Variants in SHLD1 observed in about 807,000 individuals in gnomAD.
The protein encoded by SHLD1 is shieldin complex subunit 1, also known as RINN1-REV7-interacting novel NHEJ regulator 3.
Under a neutral mutation model 5.5 loss-of-function variants are expected in SHLD1, and 3 were observed. The observed-to-expected ratio is 0.54, with a 90% CI of 0.25 to 1.40. SHLD1 has a LOEUF of 1.40. Ranked by LOEUF, SHLD1 falls within the 40% of genes most tolerant of loss-of-function variation. SHLD1 has a pLI of 0.15. For missense variants in SHLD1, 210 were observed against 244.4 expected, an observed-to-expected ratio of 0.86 and a Z score of 0.94; for synonymous variants, 92 against 94.3, an observed-to-expected ratio of 0.98 and a Z score of 0.14.
chr20:5,819,143 T>G (rs1231115488), intron 2 of SHLD1, among the ~76,000 whole-genome samples: 2 of 152,122 alleles, frequency 1.3e-5, no homozygotes, highest in Non-Finnish European at 2.9e-5. Flanking sequence ...ATTACAAGTG[T>G]GAGCCACCGT....
chr20:5,852,625 T>C (rs138971261), intron 2 of SHLD1, among the ~76,000 whole-genome samples: 1 of 152,152 alleles, frequency 6.6e-6, no homozygotes, highest in African/African-American at 2.4e-5. Flanking sequence ...AACTTTTGTA[T>C]TTTTAGTAGA....
intron 2 of SHLD1, among the ~76,000 whole-genome samples, chr20:5,862,677 A>G (rs2122518235): frequency 6.6e-6 from 1 of 152,360 alleles, no homozygotes; most frequent in East Asian, 1.9e-4. Flanking sequence ...TGCTGCCTAC[A>G]TTCATCATGG....
chr20:5,785,571 G>A (rs866423288), intron 2 of SHLD1, among the ~76,000 whole-genome samples: 6 of 152,084 alleles, frequency 3.9e-5, no homozygotes, highest in Admixed American at 1.3e-4. Context: ...CAAAGTGGGC[G>A]GATCACCTGA....
At chr20:5,839,188 T>C (rs1329078601) in intron 2 of SHLD1, among the ~76,000 whole-genome samples, 1 of 152,250 alleles carries the variant, frequency 6.6e-6, no homozygotes, top group African/African-American at 2.4e-5. Context: ...ACTGGCAGAT[T>C]TGCATTTTAC....
intron 1 of SHLD1, among the ~76,000 whole-genome samples, chr20:5,759,802 A>C (rs1298560932): frequency 6.6e-6 from 1 of 152,066 alleles, no homozygotes; most frequent in Non-Finnish European, 1.5e-5. Flanking sequence ...TGGCTTCCCA[A>C]ATTGCTAGGA....
At chr20:5,790,681 T>A (rs1488841327) in intron 2 of SHLD1, among the ~76,000 whole-genome samples, 1 of 152,042 alleles carries the variant, frequency 6.6e-6, no homozygotes, top group Non-Finnish European at 1.5e-5. Context: ...CTTGAACTCC[T>A]GACCTCAGGT....
intron 2 of SHLD1, among the ~76,000 whole-genome samples, chr20:5,791,563 CAAAAAAAAAAA>C (rs34606715): frequency 1.6e-5 from 1 of 61,018 alleles, no homozygotes; most frequent in Admixed American, 2.1e-4. Flanking sequence ...GACCCTGTCT[CAAAAAAAAAAA>C]AAAAAAAAAA....
At chr20:5,812,083 T>C (rs1156620907) in intron 2 of SHLD1, among the ~76,000 whole-genome samples, 2 of 151,022 alleles carry the variant, frequency 1.3e-5, no homozygotes, top group Non-Finnish European at 3.0e-5. Context: ...TTTTTTTCTT[T>C]TTTTTTCTTT....
intron 1 of SHLD1, chr20:5,756,611 T>C (rs1403173500): frequency 6.0e-6 from 1 of 165,940 alleles, no homozygotes; most frequent in Non-Finnish European, 1.3e-5. Flanking sequence ...TTGTATCATG[T>C]GACCTTGTTT....
intron 2 of SHLD1, among the ~76,000 whole-genome samples, chr20:5,819,189 T>A (rs980214637): frequency 3.9e-5 from 6 of 151,982 alleles, no homozygotes; most frequent in African/African-American, 1.4e-4. Flanking sequence ...TCAGTCCCAC[T>A]CCTCGGTCTG....
At chr20:5,775,534 G>C (rs115904219) in intron 2 of SHLD1, among the ~76,000 whole-genome samples, 1 of 152,202 alleles carries the variant, frequency 6.6e-6, no homozygotes, top group African/African-American at 2.4e-5. Flanking sequence ...AAATATTTAT[G>C]TAGGGGTATT....
At chr20:5,841,547 T>G (rs1347858830) in intron 2 of SHLD1, among the ~76,000 whole-genome samples, 7 of 152,240 alleles carry the variant, frequency 4.6e-5, no homozygotes, top group Admixed American at 2.0e-4. Context: ...TTGTATTCCT[T>G]TTTAGGTTTA....
At chr20:5,839,290 C>T (rs1333128231) in intron 2 of SHLD1, among the ~76,000 whole-genome samples, 1 of 152,214 alleles carries the variant, frequency 6.6e-6, no homozygotes, top group African/African-American at 2.4e-5. Flanking sequence ...ATAGCTGACA[C>T]ATTCTCCTTT....
chr20:5,768,276 A>G (rs1984956028), intron 1 of SHLD1, among the ~76,000 whole-genome samples: 1 of 152,080 alleles, frequency 6.6e-6, no homozygotes, highest in South Asian at 2.1e-4. Context: ...CGCCCAGCCA[A>G]TTCTTGACAC....
chr20:5,762,808 A>T (rs1234513339), intron 1 of SHLD1, among the ~76,000 whole-genome samples: 3 of 151,810 alleles, frequency 2.0e-5, no homozygotes, highest in Admixed American at 2.0e-4. Context: ...CTCAGTCTTT[A>T]CTAAAATACA....
intron 1 of SHLD1, among the ~76,000 whole-genome samples, chr20:5,752,656 A>T (rs537949945): frequency 7.2e-6 from 1 of 138,964 alleles, no homozygotes; most frequent in Admixed American, 7.5e-5. Flanking sequence ...TTGTTCTGTC[A>T]CCCAAACTGG....
chr20:5,800,685 CAAA>C (rs11467458), intron 2 of SHLD1, among the ~76,000 whole-genome samples: 129,257 of 150,420 alleles, frequency 0.86, 55,266 homozygotes, highest in East Asian at 1. Context: ...GAGACTGTCT[CAAA>C]AAAAAAAAAA....
intron 2 of SHLD1, among the ~76,000 whole-genome samples, chr20:5,812,278 G>A (rs1158376163): frequency 3.3e-5 from 5 of 151,670 alleles, no homozygotes; most frequent in African/African-American, 9.7e-5. Flanking sequence ...TTTTTCTCAC[G>A]TATCCATGGA....
intron 2 of SHLD1, among the ~76,000 whole-genome samples, chr20:5,861,887 T>A (rs1398260365): frequency 6.6e-6 from 1 of 152,182 alleles, no homozygotes; most frequent in Non-Finnish European, 1.5e-5. Flanking sequence ...AAAGCTTATA[T>A]CAGGGTCAGG....
Sources: allele counts gnomAD v4.1 joint callset (sites outside exome capture counted in the v4.1 genomes callset), GRCh38; gene constraint gnomAD v4.1.1; transcripts MANE v1.5; gene names NCBI Gene and HGNC (gene_info 2026-07-23, HGNC 2026-07-21).